The following UNC13C variants were observed in gnomAD, a reference collection of about 807,000 sequenced individuals.
UNC13C encodes unc-13 homolog C.
UNC13C carries 174 observed loss-of-function variants against 245.4 expected under a neutral mutation model. The observed-to-expected ratio is 0.71, with a 90% CI of 0.63 to 0.80. The LOEUF (loss-of-function observed/expected upper bound fraction) is 0.80, where lower values mean the gene tolerates loss of function less well. Ranked by LOEUF, UNC13C falls within the 30% of genes least tolerant of loss-of-function variation. The probability of loss-of-function intolerance (pLI) is 0.00; values close to 1 mark genes in which losing one functional copy is unlikely to be tolerated. For synonymous variants in UNC13C, 992 were observed against 895.1 expected, an observed-to-expected ratio of 1.11 and a Z score of -1.93; for missense variants, 2,829 against 2,602.9, an observed-to-expected ratio of 1.09 and a Z score of -1.89.
chr15:54,110,798 T>A (rs1168668534), intron 2 of UNC13C, among the ~76,000 whole-genome samples: 1 of 152,190 alleles, frequency 6.6e-6, no homozygotes, highest in Non-Finnish European at 1.5e-5. Context: ...ATTGGCCTCA[T>A]AAGTGACCCT....
intron 8 of UNC13C, among the ~76,000 whole-genome samples, chr15:54,261,843 A>G (rs142889518): frequency 0.011 from 1,629 of 152,242 alleles, 21 homozygotes; most frequent in African/African-American, 0.038. Context: ...GCGCCCGGCC[A>G]TAAGTAGAAA....
chr15:54,025,221 A>G (rs1896060520), intron 2 of UNC13C, among the ~76,000 whole-genome samples: 1 of 152,114 alleles, frequency 6.6e-6, no homozygotes, highest in Admixed American at 6.5e-5. Flanking sequence ...CCCTAACTCA[A>G]CCATGATGAC....
At chr15:54,383,375 G>T (rs1244490554) in intron 17 of UNC13C, among the ~76,000 whole-genome samples, 2 of 152,072 alleles carry the variant, frequency 1.3e-5, no homozygotes, top group African/African-American at 2.4e-5. Flanking sequence ...TGGTAGCATA[G>T]TTCAACATAT....
At chr15:54,107,991 CTT>C (rs929838685) in intron 2 of UNC13C, among the ~76,000 whole-genome samples, 4 of 152,066 alleles carry the variant, frequency 2.6e-5, no homozygotes, top group Non-Finnish European at 1.5e-5. Flanking sequence ...GTTTCTGTGA[CTT>C]TGAGGCCACA....
the UNC13C span, among the ~76,000 whole-genome samples, chr15:53,888,969 G>C: frequency 2.6e-4 from 40 of 152,202 alleles, no homozygotes; most frequent in African/African-American, 9.6e-4. Flanking sequence ...AGTATTGTTT[G>C]AAGTCAGGTA....
intron 8 of UNC13C, 51 bp from the exon 9 acceptor site, chr15:54,264,117 C>T: frequency 6.6e-7 from 1 of 1,523,188 alleles, no homozygotes. Flanking sequence ...CTTTAGCCAT[C>T]AAAAAGTAAT....
upstream of UNC13C, among the ~76,000 whole-genome samples, chr15:53,974,564 G>A (rs1893638890): frequency 6.6e-6 from 1 of 152,208 alleles, no homozygotes; most frequent in Non-Finnish European, 1.5e-5. Flanking sequence ...TGCCACAACA[G>A]AGATTTATGA....
chr15:53,893,840 A>G, the UNC13C span, among the ~76,000 whole-genome samples: 4 of 151,988 alleles, frequency 2.6e-5, no homozygotes, highest in Non-Finnish European at 4.4e-5. Flanking sequence ...TGGCTTCAGC[A>G]CCCCTTTCAA....
At chr15:54,157,512 C>T (rs1350495394) in intron 4 of UNC13C, among the ~76,000 whole-genome samples, 1 of 152,058 alleles carries the variant, frequency 6.6e-6, no homozygotes, top group African/African-American at 2.4e-5. Flanking sequence ...GGTAGGGTTT[C>T]TTGGAACTGG....
chr15:54,186,895 C>T (rs1275631398), intron 4 of UNC13C, among the ~76,000 whole-genome samples: 1 of 143,144 alleles, frequency 7.0e-6, no homozygotes, highest in Admixed American at 7.2e-5. Flanking sequence ...GTCACCGAGG[C>T]TGGAGTGCAG....
In UNC13C at chr15:54,065,059, C is replaced by A. The variant is rs142700352; in HGVS notation, c.2983+49173C>A. Among the ~76,000 whole-genome samples the A allele has an allele frequency of 3.6e-3, 555 of 152,348 alleles. 2 individuals are homozygous for A. The highest frequency in any genetic ancestry group is 0.013 in the African/African-American group (529 of 41,576). On this transcript the variant is annotated intron_variant, in intron 2 of 32. Coordinates refer to ENST00000260323, the MANE Select transcript of UNC13C (RefSeq NM_001080534.3). ...TGGAATTCTGAGCCAATATCTAGAT[C>A]TCCAAATTAGATATGCAAACCAGAC...
intron 30 of UNC13C, among the ~76,000 whole-genome samples, chr15:54,595,466 C>G (rs1475929248): frequency 2.0e-5 from 3 of 152,114 alleles, no homozygotes; most frequent in Non-Finnish European, 4.4e-5. Flanking sequence ...TTCAGGGGGT[C>G]TGTGGTTCCT....
chr15:54,042,029 T>A (rs1214128104), intron 2 of UNC13C, among the ~76,000 whole-genome samples: 2 of 152,176 alleles, frequency 1.3e-5, no homozygotes, highest in African/African-American at 2.4e-5. Context: ...AATCTGAATA[T>A]TTGAAATATG....
intron 10 of UNC13C, among the ~76,000 whole-genome samples, chr15:54,268,860 A>G (rs2036613904): frequency 6.6e-6 from 1 of 151,930 alleles, no homozygotes; most frequent in African/African-American, 2.4e-5. Flanking sequence ...GCATGCACTT[A>G]TCATTACTCA....
At chr15:54,105,186 G>A (rs7177283) in intron 2 of UNC13C, among the ~76,000 whole-genome samples, 149,561 of 152,286 alleles carry the variant, frequency 0.98, 73,511 homozygotes, top group Middle Eastern at 1. Context: ...GAGTTTCTGG[G>A]TCTATAGCTT....
In UNC13C at chr15:53,978,723, G is replaced by T. The variant is rs1294852671; in HGVS notation, c.-461G>T. On this transcript the variant is annotated 5_prime_UTR_variant, in exon 1 of 33. Transcript: ENST00000260323. ...CAAGAAAAGAACAGACACCGTTGCA[G>T]ACCAAGGCATGCCTGATTGCACGAG... is the stretch of plus-strand genomic sequence containing the variant. Among the ~76,000 whole-genome samples, 2 of 152,170 alleles carry T rather than the reference G, an allele frequency of 1.3e-5. No individual in the cohort carries two copies. The highest frequency in any genetic ancestry group is 6.5e-5 in the Admixed American group (1 of 15,278).
the UNC13C span, among the ~76,000 whole-genome samples, chr15:53,941,497 T>G: frequency 5.9e-5 from 9 of 152,022 alleles, no homozygotes; most frequent in Admixed American, 5.9e-4. Context: ...ATCATCAGAG[T>G]GAACAGACCA....
intron 16 of UNC13C, among the ~76,000 whole-genome samples, chr15:54,335,584 C>A (rs1052352723): frequency 6.6e-6 from 1 of 152,036 alleles, no homozygotes; most frequent in African/African-American, 2.4e-5. Flanking sequence ...TGGTAACCAC[C>A]GATTTGTTCT....
chr15:54,305,535 A>G (rs770357229), intron 13 of UNC13C, among the ~76,000 whole-genome samples: 2 of 152,078 alleles, frequency 1.3e-5, no homozygotes, highest in African/African-American at 4.8e-5. Context: ...GAATAAATCT[A>G]TCTTTTAATT....
Sources: gnomAD v4.1 joint callset for allele counts (sites outside exome capture counted in the v4.1 genomes callset) on GRCh38, gnomAD v4.1.1 for gene constraint, MANE v1.5 for transcripts, NCBI Gene and HGNC (gene_info 2026-07-23, HGNC 2026-07-21) for gene names.